The following CLMP variants were observed in gnomAD, a reference collection of about 807,000 sequenced individuals.
The protein encoded by CLMP is CXADR like cell adhesion molecule.
CLMP carries 27 observed loss-of-function variants against 45.2 expected under a neutral mutation model. The observed-to-expected ratio is 0.60, with a 90% CI of 0.44 to 0.82. CLMP has a LOEUF of 0.82. Among genes scored for constraint, CLMP ranks in the 40% least tolerant of loss-of-function variants. The pLI is 0.00. For synonymous variants in CLMP, 167 were observed against 171.4 expected, an observed-to-expected ratio of 0.97 and a Z score of 0.20; for missense variants, 403 against 448.4, an observed-to-expected ratio of 0.90 and a Z score of 0.91.
chr11:123,173,104 T>C (rs1282813546), intron 1 of CLMP, among the ~76,000 whole-genome samples: 1 of 152,238 alleles, frequency 6.6e-6, no homozygotes, highest in Admixed American at 6.5e-5. Context: ...TTTCCTAGAC[T>C]TCTCTAGAAC....
chr11:123,150,526 A>AGGAG (rs1861316222), intron 1 of CLMP, among the ~76,000 whole-genome samples: 1 of 129,522 alleles, frequency 7.7e-6, no homozygotes, highest in African/African-American at 3.1e-5. Context: ...GAAGGAAGGA[A>AGGAG]GGAAAGAAAC....
chr11:123,171,447 C>CTTTTTTT (rs758162904), intron 1 of CLMP, among the ~76,000 whole-genome samples: 1 of 136,440 alleles, frequency 7.3e-6, no homozygotes, highest in Admixed American at 7.6e-5. Context: ...CTTTTCTTTT[C>CTTTTTTT]TTTTTTTTTT....
intron 1 of CLMP, among the ~76,000 whole-genome samples, chr11:123,160,712 T>C (rs1487923603): frequency 6.6e-6 from 1 of 151,024 alleles, no homozygotes; most frequent in African/African-American, 2.4e-5. Flanking sequence ...GTGCAGTGAC[T>C]CAAGCCTGTA....
chr11:123,119,937 C>G (rs1860789941), intron 1 of CLMP, among the ~76,000 whole-genome samples: 1 of 152,130 alleles, frequency 6.6e-6, no homozygotes, highest in African/African-American at 2.4e-5. Context: ...TCCACCCACT[C>G]TGGCCTCCCA....
intron 2 of CLMP, among the ~76,000 whole-genome samples, chr11:123,094,407 G>A (rs117071839): frequency 3.1e-3 from 466 of 151,768 alleles, no homozygotes; most frequent in Non-Finnish European, 4.9e-3. Context: ...GTGCCCGCCC[G>A]GCCCAGCCCA....
At chr11:123,126,158 T>C (rs1860892042) in intron 1 of CLMP, among the ~76,000 whole-genome samples, 1 of 152,248 alleles carries the variant, frequency 6.6e-6, no homozygotes, top group African/African-American at 2.4e-5. Context: ...TAATACTCTG[T>C]AGACACTTCT....
At chr11:123,097,350 T>C (rs1459321864) in intron 2 of CLMP, among the ~76,000 whole-genome samples, 4 of 139,506 alleles carry the variant, frequency 2.9e-5, no homozygotes, top group African/African-American at 5.4e-5. Flanking sequence ...TTCTTTCTTT[T>C]TTTTTGAGAT....
intron 1 of CLMP, among the ~76,000 whole-genome samples, chr11:123,184,577 G>A (rs1230134483): frequency 6.6e-6 from 1 of 152,140 alleles, no homozygotes; most frequent in African/African-American, 2.4e-5. Flanking sequence ...CACCACGGAA[G>A]GAGCTCCTGA....
chr11:123,152,454 T>A (rs562767339), intron 1 of CLMP, among the ~76,000 whole-genome samples: 2 of 151,102 alleles, frequency 1.3e-5, no homozygotes, highest in South Asian at 4.2e-4. Context: ...ACCCGGGAGG[T>A]AGAGGTTGCA....
Position 123,124,862 on chromosome 11 carries a change from T to G in CLMP, c.29-26910A>C, listed in dbSNP as rs79590868. 2.2e-3 allele frequency among the ~76,000 whole-genome samples: 333 copies of G among 152,316 alleles called. 1 individual carries two copies. Among genetic ancestry groups the G allele is most frequent in the African/African-American group, 7.5e-3 (313 of 41,576 alleles). The stretch of plus-strand genomic sequence containing the variant: ...AAGTAATTGAAAACACTGCCCTGTA[T>G]TTAAATATATACATATGGAGTGGAA... On this transcript the variant is annotated intron_variant, in intron 1 of 6. Transcript: ENST00000448775.
chr11:123,109,077 A>G lies in CLMP; in HGVS notation c.29-11125T>C, dbSNP rs541893420. 7.3e-3 allele frequency among the ~76,000 whole-genome samples: 1,101 copies of G among 151,326 alleles called. 9 individuals carry two copies. Among genetic ancestry groups the G allele is most frequent in the Non-Finnish European group, 0.011 (766 of 67,734 alleles). The stretch of plus-strand genomic sequence containing the variant: ...TCTGTCTCAAAAAAAAAAAAAAAAA[A>G]AAAGAAAGAAAGAAAAAAAATGGTT... On this transcript the variant is annotated intron_variant, in intron 1 of 6. Coordinates refer to ENST00000448775, the MANE Select transcript of CLMP (RefSeq NM_024769.5).
At chr11:123,090,633 G>A (rs1865920671) in intron 2 of CLMP, among the ~76,000 whole-genome samples, 1 of 152,120 alleles carries the variant, frequency 6.6e-6, no homozygotes, top group African/African-American at 2.4e-5. Flanking sequence ...GCACTCAAGT[G>A]TTAGCATTAT....
At chr11:123,087,104 G>A (rs993148383) in intron 2 of CLMP, among the ~76,000 whole-genome samples, 3 of 152,104 alleles carry the variant, frequency 2.0e-5, no homozygotes, top group Non-Finnish European at 4.4e-5. Flanking sequence ...TTGGGAGGCC[G>A]AGGTGGGCAG....
At chr11:123,082,967 C>A in intron 5 of CLMP, 118 bp downstream of exon 5, 1 of 1,237,188 alleles carries the variant, frequency 8.1e-7, no homozygotes, top group Non-Finnish European at 1.1e-6. Context: ...CCATATCCTT[C>A]TGGAGATAAA....
intron 1 of CLMP, among the ~76,000 whole-genome samples, chr11:123,170,283 C>A (rs1861612646): frequency 6.6e-6 from 1 of 152,102 alleles, no homozygotes; most frequent in Non-Finnish European, 1.5e-5. Flanking sequence ...AATCAAATCC[C>A]TCTGATGAGA....
At chr11:123,074,457 C>T (rs566118689) in intron 6 of CLMP, among the ~76,000 whole-genome samples, 2 of 152,194 alleles carry the variant, frequency 1.3e-5, no homozygotes, top group South Asian at 4.1e-4. Context: ...GCTGGGATTA[C>T]AGGCATGACC....
At chr11:123,079,320 T>C (rs775718108) in intron 5 of CLMP, among the ~76,000 whole-genome samples, 7 of 152,252 alleles carry the variant, frequency 4.6e-5, no homozygotes, top group Non-Finnish European at 1.0e-4. Flanking sequence ...ACTAAACTGA[T>C]AGCTTAAAAT....
intron 1 of CLMP, among the ~76,000 whole-genome samples, chr11:123,116,800 T>G (rs1860726545): frequency 2.6e-5 from 4 of 152,206 alleles, no homozygotes; most frequent in Non-Finnish European, 4.4e-5. Flanking sequence ...AAAGCACTTT[T>G]CAGATTTCAC....
chr11:123,160,391 G>C (rs982735729), intron 1 of CLMP, among the ~76,000 whole-genome samples: 2 of 151,086 alleles, frequency 1.3e-5, no homozygotes, highest in Non-Finnish European at 2.9e-5. Flanking sequence ...CAGAAGGACA[G>C]TGCTTAGAAG....
Sources: allele counts gnomAD v4.1 joint callset (sites outside exome capture counted in the v4.1 genomes callset), GRCh38; gene constraint gnomAD v4.1.1; transcripts MANE v1.5; gene names NCBI Gene and HGNC (gene_info 2026-07-23, HGNC 2026-07-21).